Variants in XPR1 observed in about 807,000 individuals in gnomAD.
The protein encoded by XPR1 is solute carrier family 53 member 1.
Under a neutral mutation model 87.5 loss-of-function variants are expected in XPR1, and 28 were observed. The observed-to-expected ratio is 0.32, with a 90% CI of 0.24 to 0.44. The LOEUF is 0.44. Ranked by LOEUF, XPR1 falls within the 20% of genes least tolerant of loss-of-function variation. The probability of loss-of-function intolerance (pLI) is 1.00; values close to 1 mark genes in which losing one functional copy is unlikely to be tolerated. For synonymous variants in XPR1, 300 were observed against 306.1 expected (o/e 0.98, Z 0.21); for missense variants, 559 against 862.3 (o/e 0.65, Z 4.41).
At chr1:180,769,363 T>G (rs1033236722) in intron 2 of XPR1, among the ~76,000 whole-genome samples, 2 of 150,708 alleles carry the variant, frequency 1.3e-5, no homozygotes, top group Admixed American at 6.6e-5. Context: ...ATTATTTCTG[T>G]TTTTTTGTGT....
intron 14 of XPR1, among the ~76,000 whole-genome samples, chr1:180,883,707 CA>C (rs35119730): frequency 2.0e-4 from 27 of 132,996 alleles, no homozygotes; most frequent in Admixed American, 5.3e-4. Context: ...GACTCTGTCT[CA>C]AAAAAAAAAA....
chr1:180,641,355 TG>T lies in XPR1; in HGVS notation c.69+9088del, dbSNP rs1356170562. Among the ~76,000 whole-genome samples the T allele has an allele frequency of 3.9e-5, 6 of 152,226 alleles. No homozygotes were observed. The East Asian group carries it at 1.2e-3, about 29-fold the overall frequency. On this transcript the variant is annotated intron_variant, in intron 1 of 14. Coordinates refer to ENST00000367590, the MANE Select transcript of XPR1 (RefSeq NM_004736.4). The stretch of plus-strand genomic sequence containing the variant: ...ATGTTTGGCTAATATTATTTTTGAC[TG>T]GGAAAGTGAGACTCAAAGCTTGTTC...
At chr1:180,876,602 C>CT (rs1365349274) in intron 13 of XPR1, among the ~76,000 whole-genome samples, 12 of 151,328 alleles carry the variant, frequency 7.9e-5, no homozygotes, top group Non-Finnish European at 1.6e-4. Context: ...CACCACTGTA[C>CT]TGCAGCCTGG....
At chr1:180,792,760 G>C (rs1211122098) in intron 3 of XPR1, among the ~76,000 whole-genome samples, 1 of 150,894 alleles carries the variant, frequency 6.6e-6, no homozygotes, top group Non-Finnish European at 1.5e-5. Flanking sequence ...AGGCTATACC[G>C]TTAGAAACCT....
chr1:180,751,285 G>GT (rs113152835), intron 2 of XPR1, among the ~76,000 whole-genome samples: 6,519 of 151,852 alleles, frequency 0.043, 492 homozygotes, highest in African/African-American at 0.15. Flanking sequence ...TTTTATTTAT[G>GT]TATCTTTTGT....
In XPR1 at chr1:180,652,576, A is replaced by G. The variant is rs191031136; in HGVS notation, c.69+20306A>G. 1.2e-3 allele frequency among the ~76,000 whole-genome samples: 190 copies of G among 152,304 alleles called. 2 individuals are homozygous for G. The highest frequency in any genetic ancestry group is 2.5e-3 in the Admixed American group (38 of 15,298). On this transcript the variant is annotated intron_variant, in intron 1 of 14. Transcript: ENST00000367590. ...ATTACAGTGTTGGTAGCTTTGACAT[A>G]TGGGAATGTTATTTTATTGTTGTTA...
Position 180,884,153 on chromosome 1 carries a change from C to T in XPR1, c.*87C>T, listed in dbSNP as rs1255166908. 2.7e-5 allele frequency: 33 copies of T among 1,221,230 alleles called. No homozygotes were observed. The highest frequency in any genetic ancestry group is 3.4e-5 in the Non-Finnish European group (29 of 856,490). 75.6% of individuals were successfully genotyped at this position (1,221,230 alleles called of 1,614,324 possible). On this transcript the variant is annotated 3_prime_UTR_variant, in exon 15 of 15. Coordinates refer to ENST00000367590, the MANE Select transcript of XPR1 (RefSeq NM_004736.4). ...ACGCAACCTCTAGTACCTTTCCAGC[C>T]GAAAACAGGAGAAAACACATAACAC...
At chr1:180,726,316 TGCTTGGGTCCCCTTCCATGCTG>T (rs1404658106) in intron 2 of XPR1, among the ~76,000 whole-genome samples, 4 of 152,230 alleles carry the variant, frequency 2.6e-5, no homozygotes, top group African/African-American at 9.6e-5. Flanking sequence ...CAGCGCAACC[TGCTTGGGTCCCCTTCCATGCTG>T]TGGAAGCTTT....
At chr1:180,699,364 CT>C (rs1476105953) in intron 2 of XPR1, among the ~76,000 whole-genome samples, 1 of 109,222 alleles carries the variant, frequency 9.2e-6, no homozygotes, top group Non-Finnish European at 1.8e-5. Context: ...TCCCTCCCCC[CT>C]CCCCCGACCC....
chr1:180,721,133 A>G (rs1459033097), intron 2 of XPR1, among the ~76,000 whole-genome samples: 1 of 151,848 alleles, frequency 6.6e-6, no homozygotes, highest in African/African-American at 2.4e-5. Context: ...AGGCAGGAGA[A>G]TCGCTTGAAC....
intron 2 of XPR1, among the ~76,000 whole-genome samples, chr1:180,727,615 G>A (rs2102005081): frequency 6.6e-6 from 1 of 152,288 alleles, no homozygotes; most frequent in African/African-American, 2.4e-5. Context: ...TTGCACTGCA[G>A]CCTGGGTGGC....
chr1:180,777,710 C>T (rs750730891), intron 2 of XPR1, among the ~76,000 whole-genome samples: 1 of 152,044 alleles, frequency 6.6e-6, no homozygotes. Context: ...GTTAGTTATT[C>T]TCAGTTTATA....
chr1:180,858,831 G>T (rs1652123457), intron 11 of XPR1, among the ~76,000 whole-genome samples: 1 of 152,138 alleles, frequency 6.6e-6, no homozygotes, highest in Non-Finnish European at 1.5e-5. Flanking sequence ...TAATATATGT[G>T]ATCTCACATG....
At chr1:180,696,208 G>GTGTGTGTGTGTATATA (rs1241189679) in intron 2 of XPR1, among the ~76,000 whole-genome samples, 1 of 88,566 alleles carries the variant, frequency 1.1e-5, no homozygotes, top group African/African-American at 3.7e-5. Context: ...GTGTGTGTGT[G>GTGTGTGTGTGTATATA]TATATATATA....
intron 2 of XPR1, among the ~76,000 whole-genome samples, chr1:180,716,595 T>G (rs1402045076): frequency 6.6e-6 from 1 of 152,244 alleles, no homozygotes; most frequent in Non-Finnish European, 1.5e-5. Flanking sequence ...CTAAAATCTC[T>G]GTTGCTTTAT....
chr1:180,710,421 T>C (rs887376785), intron 2 of XPR1, among the ~76,000 whole-genome samples: 1 of 152,114 alleles, frequency 6.6e-6, no homozygotes, highest in African/African-American at 2.4e-5. Context: ...GCATGCTGCC[T>C]TCAAGCATCT....
intron 2 of XPR1, among the ~76,000 whole-genome samples, chr1:180,782,476 C>A (rs1243895303): frequency 1.3e-5 from 2 of 151,910 alleles, no homozygotes; most frequent in Non-Finnish European, 2.9e-5. Context: ...CCAAACATGG[C>A]CTATCCTCTG....
At chr1:180,724,854 A>T (rs943730599) in intron 2 of XPR1, among the ~76,000 whole-genome samples, 1 of 152,230 alleles carries the variant, frequency 6.6e-6, no homozygotes, top group East Asian at 1.9e-4. Context: ...TATAAGATGT[A>T]TACATCATTG....
At chr1:180,692,032 A>G (rs1657011392) in intron 2 of XPR1, among the ~76,000 whole-genome samples, 1 of 152,114 alleles carries the variant, frequency 6.6e-6, no homozygotes, top group South Asian at 2.1e-4. Flanking sequence ...GTTATCCTGC[A>G]TATTTGTCTC....
Sources: allele counts gnomAD v4.1 joint callset (sites outside exome capture counted in the v4.1 genomes callset), GRCh38; gene constraint gnomAD v4.1.1; transcripts MANE v1.5; gene names NCBI Gene and HGNC (gene_info 2026-07-23, HGNC 2026-07-21).